Variants in ARMC2 observed in about 807,000 individuals in gnomAD.
ARMC2 encodes the protein armadillo repeat-containing protein 2.
Under a neutral mutation model 90.3 loss-of-function variants are expected in ARMC2, and 67 were observed. That is an observed-to-expected ratio of 0.74 (90% CI 0.61 to 0.91). The LOEUF is 0.91. Among genes scored for constraint, ARMC2 ranks in the 40% least tolerant of loss-of-function variants. The pLI, the probability that ARMC2 is intolerant of heterozygous loss-of-function variation, is 0.00. For missense variants in ARMC2, 920 were observed against 1,030.9 expected (o/e 0.89, Z 1.47); for synonymous variants, 393 against 393.0 (o/e 1.00, Z 0.00).
At chr6:108,904,646 TAAAAA>T (rs58943428) in intron 8 of ARMC2, among the ~76,000 whole-genome samples, 1,458 of 144,346 alleles carry the variant, frequency 0.01, 18 homozygotes, top group African/African-American at 0.033. Flanking sequence ...GCAACTAAGT[TAAAAA>T]AAAAAAAAAG....
chr6:108,950,262 T>C (rs1212635725), intron 12 of ARMC2, among the ~76,000 whole-genome samples: 4 of 152,268 alleles, frequency 2.6e-5, no homozygotes, highest in East Asian at 3.9e-4. Flanking sequence ...AGAAATCCCA[T>C]TATTGGGTAT....
chr6:108,873,467 C>G (rs1434823580), intron 4 of ARMC2, among the ~76,000 whole-genome samples: 2 of 152,066 alleles, frequency 1.3e-5, no homozygotes, highest in East Asian at 1.9e-4. Context: ...GGTGGGTGCA[C>G]CGGCAGGGTG....
chr6:108,948,717 C>T (rs17070056), intron 12 of ARMC2, among the ~76,000 whole-genome samples: 2,473 of 151,480 alleles, frequency 0.016, 75 homozygotes, highest in African/African-American at 0.058. Context: ...ATCTCGGCCA[C>T]GTTAGGACCT....
the ARMC2 span, among the ~76,000 whole-genome samples, chr6:108,981,525 C>A: frequency 1.3e-5 from 2 of 152,138 alleles, no homozygotes; most frequent in Non-Finnish European, 2.9e-5. Flanking sequence ...CTTTCCATTT[C>A]TATGAATTTG....
intron 8 of ARMC2, among the ~76,000 whole-genome samples, chr6:108,905,254 AC>A (rs1772562589): frequency 6.6e-6 from 1 of 152,212 alleles, no homozygotes; most frequent in Non-Finnish European, 1.5e-5. Context: ...TAAGAATGCC[AC>A]CTTTTCTTAT....
intron 4 of ARMC2, among the ~76,000 whole-genome samples, chr6:108,872,869 T>A (rs1195633943): frequency 1.3e-5 from 2 of 152,190 alleles, no homozygotes; most frequent in Non-Finnish European, 2.9e-5. Context: ...GGTTCAGTGC[T>A]CAAATAGGTC....
chr6:108,957,230 G>A (rs1777654275), intron 13 of ARMC2, among the ~76,000 whole-genome samples: 1 of 152,114 alleles, frequency 6.6e-6, no homozygotes. Context: ...TTGATAGAAG[G>A]GCAAAAGTCA....
At chr6:109,044,424 T>A in the ARMC2 span, among the ~76,000 whole-genome samples, 1 of 137,562 alleles carries the variant, frequency 7.3e-6, no homozygotes, top group African/African-American at 2.7e-5. Flanking sequence ...TAATAGGACA[T>A]CCATACGCAA....
chr6:108,949,900 C>T (rs1275662022), intron 12 of ARMC2, among the ~76,000 whole-genome samples: 1 of 152,314 alleles, frequency 6.6e-6, no homozygotes, highest in Middle Eastern at 3.4e-3. Flanking sequence ...CTCTCTCAAA[C>T]TAATCCTCTT....
At chr6:109,050,461 G>A in the ARMC2 span, among the ~76,000 whole-genome samples, 2 of 151,574 alleles carry the variant, frequency 1.3e-5, no homozygotes, top group South Asian at 2.1e-4. Flanking sequence ...GAGACAGTAT[G>A]GCAAGTCTTT....
At chr6:108,889,917 G>A (rs1770789501) in intron 5 of ARMC2, among the ~76,000 whole-genome samples, 1 of 151,192 alleles carries the variant, frequency 6.6e-6, no homozygotes, top group Non-Finnish European at 1.5e-5. Context: ...GGCCGGGCGC[G>A]GTGGCTCACG....
At chr6:108,856,058 G>T (rs542380137) in intron 2 of ARMC2, among the ~76,000 whole-genome samples, 51 of 152,252 alleles carry the variant, frequency 3.3e-4, no homozygotes, top group African/African-American at 1.2e-3. Flanking sequence ...TAATTTTAAT[G>T]AAGTCAAGCT....
At chr6:108,970,494 C>CTTTTTTTT (rs1156823883) in intron 17 of ARMC2, among the ~76,000 whole-genome samples, 133 of 117,324 alleles carry the variant, frequency 1.1e-3, no homozygotes, top group Non-Finnish European at 1.9e-3. Context: ...CTTCTCTTTT[C>CTTTTTTTT]TTTTTTTTTT....
chr6:108,936,796 C>A, intron 11 of ARMC2, 104 bp from the exon 12 acceptor site: 1 of 923,634 alleles, frequency 1.1e-6, no homozygotes, highest in Non-Finnish European at 1.6e-6. Context: ...TTTTCTTGAA[C>A]TGGGCAATGT....
chr6:109,015,770 A>G, the ARMC2 span, among the ~76,000 whole-genome samples: 2 of 152,202 alleles, frequency 1.3e-5, no homozygotes, highest in African/African-American at 2.4e-5. Context: ...AAACTCAAAA[A>G]AGGCAACAAA....
intron 3 of ARMC2, among the ~76,000 whole-genome samples, chr6:108,859,233 A>AG (rs1774963948): frequency 6.6e-6 from 1 of 152,078 alleles, no homozygotes; most frequent in Non-Finnish European, 1.5e-5. Flanking sequence ...ACCTCCTTGG[A>AG]GAACTCTTCA....
At chr6:109,000,353 A>C in the ARMC2 span, 1 of 550,538 alleles carries the variant, frequency 1.8e-6, no homozygotes. Flanking sequence ...TAACAGAAGA[A>C]AATGTGCATC....
chr6:108,938,975 C>T (rs1334172054), intron 12 of ARMC2, among the ~76,000 whole-genome samples: 2 of 151,916 alleles, frequency 1.3e-5, no homozygotes, highest in Non-Finnish European at 2.9e-5. Context: ...ACTAAATGTC[C>T]TAAAGTTTTT....
At chr6:108,892,805 A>G (rs1209719619) in intron 5 of ARMC2, among the ~76,000 whole-genome samples, 10 of 151,816 alleles carry the variant, frequency 6.6e-5, no homozygotes, top group African/African-American at 2.4e-4. Context: ...AATGAAGTAA[A>G]AAATGGTATT....
Sources: gnomAD v4.1 joint callset for allele counts (sites outside exome capture counted in the v4.1 genomes callset) on GRCh38, gnomAD v4.1.1 for gene constraint, MANE v1.5 for transcripts, NCBI Gene and HGNC (gene_info 2026-07-23, HGNC 2026-07-21) for gene names.